Variants in PCSK6 observed in about 807,000 individuals in gnomAD.
The protein encoded by PCSK6 is paired basic amino acid cleaving enzyme 4.
Under a neutral mutation model 123.3 loss-of-function variants are expected in PCSK6, and 85 were observed. The observed-to-expected ratio is 0.69, with a 90% CI of 0.58 to 0.83. The LOEUF (loss-of-function observed/expected upper bound fraction) is 0.83, where lower values mean the gene tolerates loss of function less well. Among genes scored for constraint, PCSK6 ranks in the 40% least tolerant of loss-of-function variants. The probability of loss-of-function intolerance (pLI) is 0.00; values close to 1 mark genes in which losing one functional copy is unlikely to be tolerated. For synonymous variants in PCSK6, 508 were observed against 516.0 expected (o/e 0.98, Z 0.21); for missense variants, 1,191 against 1,282.3 (o/e 0.93, Z 1.09).
chr15:101,313,246 G>A, intron 20 of PCSK6, 130 bp downstream of exon 20: 5 of 1,563,738 alleles, frequency 3.2e-6, no homozygotes, highest in Non-Finnish European at 4.3e-6. Flanking sequence ...CTGTAAATGG[G>A]CTCCTGTCCA....
chr15:101,416,749 G>A (rs11634760), intron 6 of PCSK6, among the ~76,000 whole-genome samples: 9 of 152,156 alleles, frequency 5.9e-5, no homozygotes, highest in Non-Finnish European at 5.9e-5. Context: ...AGCTTGGGCT[G>A]TGGCTTCAGA....
chr15:101,321,832 G>GT (rs1481898721), intron 18 of PCSK6, among the ~76,000 whole-genome samples: 3 of 152,264 alleles, frequency 2.0e-5, no homozygotes, highest in Non-Finnish European at 4.4e-5. Flanking sequence ...GCGGACCATG[G>GT]TGCTAGTCTC....
Position 101,408,216 on chromosome 15 carries a change from C to T in PCSK6, c.824-9640G>A, listed in dbSNP as rs1426008583. On this transcript the variant is annotated intron_variant, in intron 6 of 21. Coordinates refer to ENST00000611716, the MANE Select transcript of PCSK6 (RefSeq NM_002570.5). ...CAAGAAAGCAAACCCATATCCTGAA[C>T]GGACCTCTGAAGGGGACACGGACGG... Among the ~76,000 whole-genome samples the T allele has an allele frequency of 4.6e-5, 7 of 152,250 alleles. No individual in the cohort carries two copies. The South Asian group carries it at 1.0e-3, about 22-fold the overall frequency.
At chr15:101,429,873 G>C (rs1286472984) in intron 5 of PCSK6, 114 bp downstream of exon 5, 2 of 889,050 alleles carry the variant, frequency 2.2e-6, no homozygotes, top group African/African-American at 1.6e-5. Context: ...CTCGCGCCCA[G>C]GCAGGGAAGA....
intron 6 of PCSK6, among the ~76,000 whole-genome samples, chr15:101,423,567 A>T (rs1434245880): frequency 1.3e-5 from 2 of 151,998 alleles, no homozygotes; most frequent in African/African-American, 2.4e-5. Flanking sequence ...CAGCCCTGAA[A>T]TTTTTTTTAA....
At chr15:101,363,703 C>T (rs2041302753) in intron 13 of PCSK6, among the ~76,000 whole-genome samples, 1 of 151,698 alleles carries the variant, frequency 6.6e-6, no homozygotes, top group Non-Finnish European at 1.5e-5. Flanking sequence ...GATCTCGGCT[C>T]ACTGTAAGCT....
At chr15:101,403,177 A>T (rs1294725359) in intron 6 of PCSK6, among the ~76,000 whole-genome samples, 3 of 150,698 alleles carry the variant, frequency 2.0e-5, no homozygotes, top group East Asian at 3.9e-4. Context: ...AAGGACAAAA[A>T]ACCAAACACC....
rs113882493 is a variant in PCSK6, at chr15:101,475,914, G to A, written c.297+13460C>T. On this transcript the variant is annotated intron_variant, in intron 1 of 21. Transcript: ENST00000611716. ...TGGTCATCACTACACAAAATCGGTGGGGCCCACACACACTTCTGGGGGCAG... is the reference window on the plus strand; with the variant it reads ...TGGTCATCACTACACAAAATCGGTGAGGCCCACACACACTTCTGGGGGCAG... 2.6e-3 allele frequency among the ~76,000 whole-genome samples: 393 copies of A among 152,258 alleles called. 2 individuals carry two copies. Among genetic ancestry groups the A allele is most frequent in the African/African-American group, 7.8e-3 (325 of 41,538 alleles).
At chr15:101,321,358 C>T (rs755311476) in intron 18 of PCSK6, among the ~76,000 whole-genome samples, 3 of 152,200 alleles carry the variant, frequency 2.0e-5, no homozygotes, top group Non-Finnish European at 4.4e-5. Context: ...CTCCTAGCTG[C>T]TTGGGGTCCT....
intron 6 of PCSK6, among the ~76,000 whole-genome samples, chr15:101,414,935 G>C (rs1022909687): frequency 6.6e-6 from 1 of 152,010 alleles, no homozygotes; most frequent in Admixed American, 6.6e-5. Context: ...TAGAAATAAA[G>C]AATATATGAG....
At chr15:101,422,853 T>C (rs2088137) in intron 6 of PCSK6, among the ~76,000 whole-genome samples, 73,279 of 151,906 alleles carry the variant, frequency 0.48, 17,885 homozygotes, top group East Asian at 0.56. Flanking sequence ...AATCTCCTGA[T>C]CTCGGGATCC....
At chr15:101,424,380 CA>C (rs113465560) in intron 6 of PCSK6, among the ~76,000 whole-genome samples, 1 of 150,958 alleles carries the variant, frequency 6.6e-6, no homozygotes, top group Non-Finnish European at 1.5e-5. Flanking sequence ...TGTTGAAAGA[CA>C]AAAAAAAAGT....
At chr15:101,406,601 A>G (rs1477677640) in intron 6 of PCSK6, among the ~76,000 whole-genome samples, 6 of 152,094 alleles carry the variant, frequency 3.9e-5, no homozygotes, top group African/African-American at 1.4e-4. Context: ...AAATGCTACA[A>G]TCCTAAAAGG....
At chr15:101,449,518 G>C (rs751508412) in intron 1 of PCSK6, among the ~76,000 whole-genome samples, 1 of 152,168 alleles carries the variant, frequency 6.6e-6, no homozygotes, top group Non-Finnish European at 1.5e-5. Flanking sequence ...TAGGTCCTTG[G>C]TTTTCCCACA....
intron 15 of PCSK6, among the ~76,000 whole-genome samples, chr15:101,328,627 C>T (rs925861389): frequency 6.6e-6 from 1 of 152,142 alleles, no homozygotes; most frequent in Non-Finnish European, 1.5e-5. Context: ...ACCCCTGTTC[C>T]TGGGTCTCTC....
chr15:101,477,979 T>C (rs1018018313), intron 1 of PCSK6, among the ~76,000 whole-genome samples: 3 of 152,176 alleles, frequency 2.0e-5, no homozygotes, highest in Admixed American at 1.3e-4. Context: ...CAGGAGGACT[T>C]CTTCACAGGT....
At chr15:101,308,926 G>C (rs2039786651) in intron 20 of PCSK6, 1 of 152,380 alleles carries the variant, frequency 6.6e-6, no homozygotes, top group Non-Finnish European at 1.5e-5. Context: ...CAGGGGCCCA[G>C]TGCCCCCAGG....
intron 18 of PCSK6, 28 bp downstream of exon 18, chr15:101,322,492 C>T (rs370340127): frequency 6.7e-7 from 1 of 1,484,900 alleles, no homozygotes; most frequent in Non-Finnish European, 9.4e-7. Flanking sequence ...ACCGCCCTGA[C>T]ATTCCTCAGG....
intron 13 of PCSK6, among the ~76,000 whole-genome samples, chr15:101,341,469 C>T (rs1302057387): frequency 1.3e-5 from 2 of 152,006 alleles, no homozygotes; most frequent in Admixed American, 6.6e-5. Context: ...ACCATGTTGG[C>T]CACACTGGTC....
Sources: allele counts gnomAD v4.1 joint callset (sites outside exome capture counted in the v4.1 genomes callset), GRCh38; gene constraint gnomAD v4.1.1; transcripts MANE v1.5; gene names NCBI Gene and HGNC (gene_info 2026-07-23, HGNC 2026-07-21).